Variants in CPQ observed in about 807,000 individuals in gnomAD.
The protein encoded by CPQ is Ser-Met dipeptidase.
Under a neutral mutation model 45.7 loss-of-function variants are expected in CPQ, and 37 were observed. The observed-to-expected ratio is 0.81, with a 90% confidence interval of 0.62 to 1.07. CPQ has a LOEUF of 1.07. CPQ is among the 50% of genes least tolerant of loss of function. The pLI, the probability that CPQ is intolerant of heterozygous loss-of-function variation, is 0.00. For missense variants in CPQ, 537 were observed against 572.9 expected (o/e 0.94, Z 0.64); for synonymous variants, 186 against 205.8 (o/e 0.90, Z 0.82).
chr8:96,747,291 A>G lies in CPQ; in HGVS notation c.-34-37573A>G, dbSNP rs557589500. Among the ~76,000 whole-genome samples, 682 of 69,296 alleles carry G rather than the reference A, an allele frequency of 9.8e-3. 10 individuals are homozygous for G. The highest frequency in any genetic ancestry group is 0.028 in the Admixed American group (176 of 6,276). The allele number at this position is 69,296 out of a possible 152,430, so 45.5% of individuals were successfully genotyped here. ...GGGTGACAGAGCGAATCTTTGTCTC[A>G]AAAAAAAAAAAAAAAAACACTGTTT... On this transcript the variant is annotated intron_variant, in intron 1 of 7. Coordinates refer to ENST00000220763, the MANE Select transcript of CPQ (RefSeq NM_016134.4).
At chr8:96,675,568 C>A (rs1436838012) in intron 1 of CPQ, among the ~76,000 whole-genome samples, 1 of 151,972 alleles carries the variant, frequency 6.6e-6, no homozygotes, top group Non-Finnish European at 1.5e-5. Context: ...AGTGTATCTG[C>A]AGGATAATTT....
intron 7 of CPQ, among the ~76,000 whole-genome samples, chr8:97,078,531 C>T (rs1039508938): frequency 2.7e-4 from 41 of 152,004 alleles, no homozygotes; most frequent in African/African-American, 9.9e-4. Flanking sequence ...TTCTTTTTCC[C>T]CTGCCTACAA....
chr8:96,765,481 T>C (rs1378299219), intron 1 of CPQ, among the ~76,000 whole-genome samples: 1 of 152,098 alleles, frequency 6.6e-6, no homozygotes, highest in Non-Finnish European at 1.5e-5. Flanking sequence ...GTGCTTCTTC[T>C]TATTTAACAG....
At chr8:96,907,122 C>T (rs1382204730) in intron 4 of CPQ, among the ~76,000 whole-genome samples, 36 of 152,092 alleles carry the variant, frequency 2.4e-4, no homozygotes. Flanking sequence ...TAAAGTATAG[C>T]TGCTGTAACA....
intron 3 of CPQ, among the ~76,000 whole-genome samples, chr8:96,850,666 G>A (rs1422141586): frequency 6.6e-6 from 1 of 150,644 alleles, no homozygotes; most frequent in Non-Finnish European, 1.5e-5. Flanking sequence ...CTAGAGTGCA[G>A]CAGTGAGATC....
chr8:96,754,218 A>G (rs1563488570), intron 1 of CPQ, among the ~76,000 whole-genome samples: 3 of 152,086 alleles, frequency 2.0e-5, no homozygotes, highest in Non-Finnish European at 1.5e-5. Flanking sequence ...TGAGGAAGAA[A>G]TGGTTCCGTG....
At chr8:96,759,433 TTA>T (rs1322212547) in intron 1 of CPQ, among the ~76,000 whole-genome samples, 1 of 152,152 alleles carries the variant, frequency 6.6e-6, no homozygotes, top group Non-Finnish European at 1.5e-5. Context: ...GGGATGATTA[TTA>T]TATATATTTT....
chr8:96,963,990 T>C (rs1813508257), intron 4 of CPQ, among the ~76,000 whole-genome samples: 2 of 152,190 alleles, frequency 1.3e-5, no homozygotes, highest in Non-Finnish European at 2.9e-5. Flanking sequence ...AATTGTGTTT[T>C]TTCATTTTCC....
intron 5 of CPQ, among the ~76,000 whole-genome samples, chr8:96,992,518 C>T (rs1182284072): frequency 6.6e-6 from 1 of 152,074 alleles, no homozygotes; most frequent in Non-Finnish European, 1.5e-5. Flanking sequence ...AAAACTTAGT[C>T]TGAGAGAAGC....
intron 6 of CPQ, among the ~76,000 whole-genome samples, chr8:97,033,859 C>T (rs1327634999): frequency 6.6e-6 from 1 of 151,992 alleles, no homozygotes; most frequent in Non-Finnish European, 1.5e-5. Context: ...TATTCATTAT[C>T]CTTTCCTTAG....
chr8:96,921,212 T>C (rs919824887), intron 4 of CPQ, among the ~76,000 whole-genome samples: 16 of 152,196 alleles, frequency 1.1e-4, no homozygotes, highest in African/African-American at 3.9e-4. Flanking sequence ...TTCTCATTTC[T>C]CTCCCCCTTT....
chr8:97,123,985 C>T (rs1240987385), intron 7 of CPQ, among the ~76,000 whole-genome samples: 1 of 151,710 alleles, frequency 6.6e-6, no homozygotes, highest in Admixed American at 6.6e-5. Flanking sequence ...TAAATTCACT[C>T]GCCGAGGTGG....
intron 1 of CPQ, among the ~76,000 whole-genome samples, chr8:96,661,213 C>CT (rs1039633389): frequency 2.6e-5 from 4 of 151,902 alleles, no homozygotes; most frequent in Non-Finnish European, 5.9e-5. Context: ...AAAGACTTTA[C>CT]TTTTTTTTGA....
intron 7 of CPQ, among the ~76,000 whole-genome samples, chr8:97,128,316 T>TGTAA (rs1412055865): frequency 6.6e-6 from 1 of 152,182 alleles, no homozygotes; most frequent in East Asian, 1.9e-4. Context: ...GCTCCTGGTG[T>TGTAA]GTAAGTCCTA....
intron 5 of CPQ, among the ~76,000 whole-genome samples, chr8:96,979,318 A>G (rs1342679695): frequency 2.0e-5 from 3 of 152,234 alleles, no homozygotes; most frequent in Non-Finnish European, 4.4e-5. Flanking sequence ...CTAAAGTACT[A>G]TGATAAATAG....
At chr8:96,987,603 C>G (rs533669067) in intron 5 of CPQ, among the ~76,000 whole-genome samples, 163 of 152,286 alleles carry the variant, frequency 1.1e-3, no homozygotes, top group African/African-American at 3.7e-3. Context: ...CATAATTGTG[C>G]TGGCTCTGAG....
intron 4 of CPQ, among the ~76,000 whole-genome samples, chr8:96,894,705 T>G (rs1442977396): frequency 1.3e-5 from 2 of 152,218 alleles, no homozygotes; most frequent in Non-Finnish European, 2.9e-5. Flanking sequence ...TTCAAAATTT[T>G]TTTAAAGTAC....
intron 1 of CPQ, among the ~76,000 whole-genome samples, chr8:96,744,072 A>T (rs1043004487): frequency 6.6e-6 from 1 of 152,192 alleles, no homozygotes; most frequent in Admixed American, 6.5e-5. Flanking sequence ...CCCCTCCCCC[A>T]GCCTCACTGC....
At chr8:97,109,646 AT>A (rs919910785) in intron 7 of CPQ, among the ~76,000 whole-genome samples, 2 of 150,598 alleles carry the variant, frequency 1.3e-5, no homozygotes, top group African/African-American at 2.4e-5. Context: ...CACACAAATG[AT>A]TTTTTTTTCA....
Sources: gnomAD v4.1 joint callset for allele counts (sites outside exome capture counted in the v4.1 genomes callset) on GRCh38, gnomAD v4.1.1 for gene constraint, MANE v1.5 for transcripts, NCBI Gene and HGNC (gene_info 2026-07-23, HGNC 2026-07-21) for gene names.